Variants in PTPRC observed in about 807,000 individuals in gnomAD.
The protein encoded by PTPRC is protein tyrosine phosphatase receptor type C, also known as receptor-type tyrosine-protein phosphatase C.
Under a neutral mutation model 155.9 loss-of-function variants are expected in PTPRC, and 44 were observed. The ratio of observed to expected loss-of-function variants is 0.28; its 90% CI spans 0.22 to 0.36. PTPRC has a LOEUF of 0.36. Ranked by LOEUF, PTPRC falls within the 10% of genes least tolerant of loss-of-function variation. The probability of loss-of-function intolerance (pLI) is 1.00; values close to 1 mark genes in which losing one functional copy is unlikely to be tolerated. For synonymous variants in PTPRC, 525 were observed against 533.1 expected (o/e 0.98, Z 0.21); for missense variants, 1,401 against 1,564.6 (o/e 0.90, Z 1.76).
intron 12 of PTPRC, among the ~76,000 whole-genome samples, chr1:198,715,279 C>T (rs960134312): frequency 1.3e-5 from 2 of 151,952 alleles, no homozygotes; most frequent in Non-Finnish European, 1.5e-5. Context: ...CCCGCCACCA[C>T]GCCCGGCTAA....
chr1:198,751,354 T>A (rs957941454), intron 29 of PTPRC, among the ~76,000 whole-genome samples: 6 of 151,762 alleles, frequency 4.0e-5, no homozygotes, highest in African/African-American at 1.5e-4. Flanking sequence ...TGGTGGTAGA[T>A]CTCACTCAGC....
At chr1:198,716,644 T>C (rs369797160) in intron 12 of PTPRC, 38 bp from the exon 13 acceptor site, 221 of 1,592,368 alleles carry the variant, frequency 1.4e-4, no homozygotes, top group Non-Finnish European at 1.8e-4. Flanking sequence ...GTACTGACTT[T>C]TAACGACTTA....
chr1:198,739,112 C>G (rs988350446), intron 23 of PTPRC, among the ~76,000 whole-genome samples: 8 of 151,214 alleles, frequency 5.3e-5, no homozygotes, highest in Admixed American at 5.3e-4. Context: ...AAACAGACCA[C>G]CAGAGAAAAT....
Position 198,639,047 on chromosome 1 carries a change from T to C in PTPRC, c.-134T>C, listed in dbSNP as rs1662422325. On this transcript the variant is annotated 5_prime_UTR_variant, in exon 1 of 33. Coordinates refer to ENST00000442510, the MANE Select transcript of PTPRC (RefSeq NM_002838.5). ...GTTAGTAAAACCGAATCTGACATCA[T>C]CACCTAGCAGTTCATGCAGCTAGCA... 2 of 542,562 alleles carry C rather than the reference T, an allele frequency of 3.7e-6. No individual in the cohort carries two copies. Among genetic ancestry groups the C allele is most frequent in the Non-Finnish European group, 6.6e-6 (2 of 303,818 alleles). 33.6% of individuals were successfully genotyped at this position (542,562 alleles called of 1,614,324 possible). A position where few individuals can be genotyped will look rare whatever the true frequency, so the allele number is the denominator to read the frequency against.
At chr1:198,680,077 C>A in intron 2 of PTPRC, 1 of 450,984 alleles carries the variant, frequency 2.2e-6, no homozygotes. Flanking sequence ...CTGGGAGTGC[C>A]ACTAGGCAAG....
intron 2 of PTPRC, among the ~76,000 whole-genome samples, chr1:198,664,301 A>ATT (rs1243737165): frequency 1.3e-5 from 2 of 152,138 alleles, no homozygotes; most frequent in African/African-American, 4.8e-5. Flanking sequence ...TTGGATGTGA[A>ATT]TTTTGTCATA....
chr1:198,674,210 G>A (rs1441282959), intron 2 of PTPRC, among the ~76,000 whole-genome samples: 6 of 152,080 alleles, frequency 3.9e-5, no homozygotes, highest in Admixed American at 3.9e-4. Context: ...AGCGGCATCT[G>A]ATGCTCATCA....
intron 2 of PTPRC, among the ~76,000 whole-genome samples, chr1:198,667,467 T>C (rs79641904): frequency 0.042 from 6,424 of 152,304 alleles, 173 homozygotes; most frequent in Middle Eastern, 0.068. Context: ...AAAATAATTT[T>C]CCTCAGATGG....
At chr1:198,699,967 A>G (rs1405849405) in intron 5 of PTPRC, 1 of 556,176 alleles carries the variant, frequency 1.8e-6, no homozygotes, top group Non-Finnish European at 3.2e-6. Context: ...TATTTTTTAT[A>G]TATTTCAGGC....
chr1:198,645,559 A>G (rs2102191115), intron 2 of PTPRC, among the ~76,000 whole-genome samples: 1 of 151,900 alleles, frequency 6.6e-6, no homozygotes, highest in South Asian at 2.1e-4. Flanking sequence ...GTAAGCATTA[A>G]AAGTTATAAT....
chr1:198,751,286 G>A (rs1320854783), intron 29 of PTPRC, among the ~76,000 whole-genome samples: 1 of 151,856 alleles, frequency 6.6e-6, no homozygotes, highest in Admixed American at 6.6e-5. Context: ...TTTACTTAAT[G>A]CTTGTGACAG....
chr1:198,733,904 T>C (rs1322798966), intron 20 of PTPRC, among the ~76,000 whole-genome samples: 1 of 151,940 alleles, frequency 6.6e-6, no homozygotes, highest in East Asian at 1.9e-4. Flanking sequence ...AGCACTCTTG[T>C]AAATTACCAC....
chr1:198,756,406 A>C lies in PTPRC; in HGVS notation c.*225A>C. 1.7e-6 allele frequency: 1 copy of C among 584,770 alleles called. No homozygotes were observed. The highest frequency in any genetic ancestry group is 2.1e-5 in the South Asian group (1 of 48,688). The allele number at this position is 584,770 out of a possible 1,614,324, so 36.2% of individuals were successfully genotyped here. A position where few individuals can be genotyped will look rare whatever the true frequency, so the allele number is the denominator to read the frequency against. On this transcript the variant is annotated 3_prime_UTR_variant, in exon 33 of 33. Transcript: ENST00000442510. ...TTAAAATTTTATCTCTTATTCAGTA[A>C]AAAACAACTTCTTTGTAATCGTTAT...
intron 2 of PTPRC, 83 bp downstream of exon 2, chr1:198,639,424 A>T: frequency 8.8e-7 from 1 of 1,130,098 alleles, no homozygotes. Context: ...AATAATTTAA[A>T]TGTGTTGGTA....
chr1:198,655,964 G>A (rs1663541189), intron 2 of PTPRC, among the ~76,000 whole-genome samples: 1 of 151,984 alleles, frequency 6.6e-6, no homozygotes, highest in Non-Finnish European at 1.5e-5. Context: ...TGCTTCATCA[G>A]AAAGCACCCA....
chr1:198,704,272 T>G (rs779512784), intron 7 of PTPRC, among the ~76,000 whole-genome samples, 200 bp from the exon 8 acceptor site: 5 of 152,186 alleles, frequency 3.3e-5, no homozygotes, highest in African/African-American at 1.2e-4. Flanking sequence ...ATGAAAAATT[T>G]TATAGAATTA....
intron 17 of PTPRC, among the ~76,000 whole-genome samples, chr1:198,730,223 C>A (rs558275949): frequency 6.6e-6 from 1 of 152,212 alleles, no homozygotes; most frequent in South Asian, 2.1e-4. Context: ...CTGTGTTAAT[C>A]TGTGTTGGAA....
chr1:198,753,476 T>C (rs538921596), intron 31 of PTPRC, among the ~76,000 whole-genome samples: 300 of 152,064 alleles, frequency 2.0e-3, no homozygotes, highest in Non-Finnish European at 3.6e-3. Flanking sequence ...ATGAGAAATG[T>C]TTATCTAGTG....
At chr1:198,665,080 A>G (rs4915152) in intron 2 of PTPRC, among the ~76,000 whole-genome samples, 1 of 59,564 alleles carries the variant, frequency 1.7e-5, no homozygotes, top group African/African-American at 7.3e-5. Context: ...TCCCGGCAGC[A>G]TTTTTTTTTT....
Sources: gnomAD v4.1 joint callset for allele counts (sites outside exome capture counted in the v4.1 genomes callset) on GRCh38, gnomAD v4.1.1 for gene constraint, MANE v1.5 for transcripts, NCBI Gene and HGNC (gene_info 2026-07-23, HGNC 2026-07-21) for gene names.